CATSPERB: variants seen among roughly 807,000 people sequenced by gnomAD.
CATSPERB encodes the protein catsper channel auxiliary subunit beta.
In CATSPERB, 93 loss-of-function variants were observed where a neutral mutation model predicts 128.3. That is an observed-to-expected ratio of 0.72 (90% CI 0.61 to 0.86). The LOEUF (loss-of-function observed/expected upper bound fraction) is 0.86, where lower values mean the gene tolerates loss of function less well. CATSPERB is among the 40% of genes least tolerant of loss of function. CATSPERB has a pLI of 0.00. For missense variants in CATSPERB, 1,153 were observed against 1,329.5 expected (o/e 0.87, Z 2.06); for synonymous variants, 381 against 448.8 (o/e 0.85, Z 1.91).
intron 3 of CATSPERB, 49 bp downstream of exon 3, chr14:91,725,031 T>C (rs1252114667): frequency 1.1e-6 from 1 of 939,490 alleles, no homozygotes; most frequent in South Asian, 2.2e-5. Context: ...TACACATGGA[T>C]TTTAAAGGAA....
chr14:91,692,473 T>A (rs559970995), intron 9 of CATSPERB, among the ~76,000 whole-genome samples: 1 of 152,308 alleles, frequency 6.6e-6, no homozygotes, highest in African/African-American at 2.4e-5. Context: ...AAATGGTACT[T>A]TCTCAGAGAT....
chr14:91,673,131 CAT>C, intron 12 of CATSPERB, 115 bp from the exon 13 acceptor site: 1 of 963,744 alleles, frequency 1.0e-6, no homozygotes. Flanking sequence ...TTTGAACAAA[CAT>C]AGAAATTAAC....
In CATSPERB at chr14:91,683,793, G is replaced by A. The variant is rs953596570; in HGVS notation, c.931+84C>T. The A allele has an allele frequency of 1.0e-5, 9 of 867,734 alleles. No individual in the cohort carries two copies. The African/African-American group carries it at 1.6e-4, about 15-fold the overall frequency. The allele number at this position is 867,734 out of a possible 1,614,324, so 53.8% of individuals were successfully genotyped here. On this transcript the variant is annotated intron_variant, in intron 11 of 26. Coordinates refer to ENST00000256343, the MANE Select transcript of CATSPERB (RefSeq NM_024764.4). Reference sequence around the variant, plus strand: ...CCTAAAGTTTGGAATGGTCTTAAAAGACCATTCCAAAGGCTGAGCTTGCAT... The same window carrying A: ...CCTAAAGTTTGGAATGGTCTTAAAAAACCATTCCAAAGGCTGAGCTTGCAT...
chr14:91,655,410 T>C (rs560751164), intron 15 of CATSPERB, among the ~76,000 whole-genome samples: 1 of 152,272 alleles, frequency 6.6e-6, no homozygotes, highest in African/African-American at 2.4e-5. Context: ...AGAATAGCTG[T>C]TGTGAGAAAA....
At chr14:91,616,863 TCTC>T (rs1893948818) in intron 20 of CATSPERB, among the ~76,000 whole-genome samples, 2 of 148,792 alleles carry the variant, frequency 1.3e-5, no homozygotes, top group Non-Finnish European at 3.0e-5. Flanking sequence ...TGCCTCAGCC[TCTC>T]GAGTAGCTGG....
intron 19 of CATSPERB, among the ~76,000 whole-genome samples, chr14:91,621,142 C>A (rs981266212): frequency 2.6e-5 from 4 of 152,166 alleles, no homozygotes. Context: ...TGGCTCACGC[C>A]TGTAATCCCA....
At chr14:91,604,885 G>A (rs1318313102) in intron 22 of CATSPERB, 3 of 1,316,922 alleles carry the variant, frequency 2.3e-6, no homozygotes, top group East Asian at 2.3e-5. Flanking sequence ...TCATTCTCTG[G>A]TTCTGGAACC....
At chr14:91,683,982 G>T in intron 10 of CATSPERB, 39 bp from the exon 11 acceptor site, 1 of 1,373,596 alleles carries the variant, frequency 7.3e-7, no homozygotes, top group Non-Finnish European at 1.0e-6. Flanking sequence ...CCAATATGTA[G>T]ACTTAAGATA....
intron 10 of CATSPERB, among the ~76,000 whole-genome samples, chr14:91,690,297 C>G (rs1895444715): frequency 6.6e-6 from 1 of 152,080 alleles, no homozygotes; most frequent in Non-Finnish European, 1.5e-5. Context: ...CTGGCCATAA[C>G]TTATTTTTTA....
At chr14:91,704,077 C>T (rs545487963) in intron 7 of CATSPERB, among the ~76,000 whole-genome samples, 5 of 151,910 alleles carry the variant, frequency 3.3e-5, no homozygotes, top group Non-Finnish European at 5.9e-5. Context: ...GAGAATCACT[C>T]GGTGTGGAAA....
chr14:91,614,012 A>G (rs966043299), intron 20 of CATSPERB, among the ~76,000 whole-genome samples: 3 of 152,196 alleles, frequency 2.0e-5, no homozygotes, highest in Admixed American at 6.5e-5. Flanking sequence ...TTGGAGCTGC[A>G]TCATTCTCTT....
rs1322818969 is a variant in CATSPERB at position 91,621,859 on chromosome 14, C to A, written c.2009G>T (p.Ser670Ile). Residue 670 changes from serine (S) to isoleucine (I), a missense_variant, in exon 19 of 27, where the codon AGC becomes ATC. Ser to Ile is a moderately radical substitution (Grantham distance 142). Transcript: ENST00000256343. ...TAATGCATTCTTATTATCTAAAATG[C>A]TTGTGATGAGGAAGCTGCTGTACCC... Reference protein sequence around the residue: ...LPGYSSFLITSILDNKNALAI... With the variant: ...LPGYSSFLITIILDNKNALAI... 1 of 1,613,976 alleles carries A rather than the reference C, an allele frequency of 6.2e-7. No individual in the cohort carries two copies. The highest frequency in any genetic ancestry group is 8.5e-7 in the Non-Finnish European group (1 of 1,179,992).
intron 18 of CATSPERB, among the ~76,000 whole-genome samples, chr14:91,624,254 G>A (rs1009756205): frequency 6.6e-6 from 1 of 152,162 alleles, no homozygotes; most frequent in African/African-American, 2.4e-5. Context: ...CGCTGAGGTG[G>A]GCAGATTGCC....
In CATSPERB at chr14:91,716,064, G is replaced by A. The variant is rs562381492; in HGVS notation, c.370+3354C>T. Among the ~76,000 whole-genome samples the A allele has an allele frequency of 2.0e-5, 3 of 152,224 alleles. No individual in the cohort carries two copies. The East Asian group carries it at 5.8e-4, about 29-fold the overall frequency. On this transcript the variant is annotated intron_variant, in intron 5 of 26. Coordinates refer to ENST00000256343, the MANE Select transcript of CATSPERB (RefSeq NM_024764.4). ...AAAAGTACCATCCATAAAATAAAAAGCTGATAAATTAGCCTTCAGCAAAAT... is the reference window on the plus strand; with the variant it reads ...AAAAGTACCATCCATAAAATAAAAAACTGATAAATTAGCCTTCAGCAAAAT...
chr14:91,678,219 T>C (rs1220859361), intron 11 of CATSPERB, among the ~76,000 whole-genome samples: 1 of 152,228 alleles, frequency 6.6e-6, no homozygotes, highest in Non-Finnish European at 1.5e-5. Flanking sequence ...GTTCTGCACT[T>C]GTATCCTGGA....
chr14:91,600,932 G>GGTT (rs1893598869), intron 22 of CATSPERB, among the ~76,000 whole-genome samples: 2 of 152,314 alleles, frequency 1.3e-5, no homozygotes, highest in South Asian at 4.1e-4. Flanking sequence ...TGTTTCAAGT[G>GGTT]GTTATCTGCA....
At chr14:91,596,616 T>C (rs1363912938) in intron 22 of CATSPERB, among the ~76,000 whole-genome samples, 1 of 152,208 alleles carries the variant, frequency 6.6e-6, no homozygotes, top group African/African-American at 2.4e-5. Context: ...ACAAGGAAAT[T>C]TGTTACCTCT....
chr14:91,714,295 A>G (rs1398713829), intron 5 of CATSPERB, among the ~76,000 whole-genome samples: 5 of 150,110 alleles, frequency 3.3e-5, no homozygotes, highest in Non-Finnish European at 4.4e-5. Flanking sequence ...AAAAAAAAGA[A>G]AAAAAGAAAG....
intron 10 of CATSPERB, among the ~76,000 whole-genome samples, chr14:91,684,348 G>C (rs183909334): frequency 6.6e-6 from 1 of 152,254 alleles, no homozygotes; most frequent in African/African-American, 2.4e-5. Flanking sequence ...GAAGAAACAG[G>C]AAAAAGGTTT....
Sources: gnomAD v4.1 joint callset for allele counts (sites outside exome capture counted in the v4.1 genomes callset) on GRCh38, gnomAD v4.1.1 for gene constraint, MANE v1.5 for transcripts, NCBI Gene and HGNC (gene_info 2026-07-23, HGNC 2026-07-21) for gene names.